CHST11: variants seen among roughly 807,000 people sequenced by gnomAD.
The protein encoded by CHST11 is C4S-1.
Under a neutral mutation model 30.4 loss-of-function variants are expected in CHST11, and 9 were observed. That is an observed-to-expected ratio of 0.30 (90% CI 0.18 to 0.52). CHST11 has a LOEUF of 0.52. Ranked by LOEUF, CHST11 falls within the 20% of genes least tolerant of loss-of-function variation. The pLI is 0.97. For missense variants in CHST11, 348 were observed against 460.6 expected (o/e 0.76, Z 2.24); for synonymous variants, 152 against 187.8 (o/e 0.81, Z 1.56).
chr12:104,570,449 G>A lies in CHST11; in HGVS notation c.119-31457G>A, dbSNP rs115573935. ...CACCCAAGCCACGTGCCTTCTTGGTGTCCCATCTATGCCTCTCTCTGAAAT... is the reference window on the plus strand; with the variant it reads ...CACCCAAGCCACGTGCCTTCTTGGTATCCCATCTATGCCTCTCTCTGAAAT... On this transcript the variant is annotated intron_variant, in intron 1 of 2. Transcript: ENST00000303694. Among the ~76,000 whole-genome samples, 375 of 152,144 alleles carry A rather than the reference G, an allele frequency of 2.5e-3. 3 individuals are homozygous for A. Among genetic ancestry groups the A allele is most frequent in the South Asian group, 0.018 (87 of 4,810 alleles).
intron 2 of CHST11, among the ~76,000 whole-genome samples, chr12:104,710,230 C>T (rs1327516298): frequency 6.6e-6 from 1 of 152,126 alleles, no homozygotes; most frequent in Admixed American, 6.5e-5. Context: ...TCATGTGAAG[C>T]CAAGCCCTTG....
At chr12:104,607,591 T>G (rs2039019005) in intron 2 of CHST11, among the ~76,000 whole-genome samples, 1 of 152,082 alleles carries the variant, frequency 6.6e-6, no homozygotes, top group African/African-American at 2.4e-5. Flanking sequence ...CACAGCACAC[T>G]TCCCCATGTT....
At position 104,757,060 on chromosome 12, in the gene CHST11, G is replaced by T; in HGVS notation, c.316G>T (p.Asp106Tyr). 1 of 1,614,130 alleles carries T rather than the reference G, an allele frequency of 6.2e-7. No homozygotes were observed. Among genetic ancestry groups the T allele is most frequent in the East Asian group, 2.2e-5 (1 of 44,858 alleles). Residue 106 changes from aspartate to tyrosine, a missense_variant, in exon 3 of 3, where the codon GAC (aspartate) becomes TAC (tyrosine). Around this residue, in one of 3 missense-constraint regions of CHST11, gnomAD observed 135 missense variants for 155.8 expected, o/e 0.87. Transcript: ENST00000303694. The surrounding 1 kb of genome is among the most constrained non-coding windows in gnomAD (Gnocchi z 6.5). ...TAAGCGGAGGGTGCTGACCCCCAAC[G>T]ACCTGAAGCACTTGGTGGTGGATGA... Reference protein sequence around the residue: ...SRKRRVLTPNDLKHLVVDEDH... With the variant: ...SRKRRVLTPNYLKHLVVDEDH...
intron 1 of CHST11, among the ~76,000 whole-genome samples, chr12:104,510,079 C>A (rs1240569142): frequency 6.6e-6 from 1 of 152,170 alleles, no homozygotes; most frequent in African/African-American, 2.4e-5. Flanking sequence ...GAATCAGGCC[C>A]AGAAGAGGTC....
intron 1 of CHST11, among the ~76,000 whole-genome samples, chr12:104,478,094 G>A (rs555820519): frequency 1.1e-4 from 16 of 152,206 alleles, no homozygotes; most frequent in African/African-American, 3.4e-4. Context: ...AAGTGGGGGT[G>A]GGAGACAGGG....
At chr12:104,569,111 C>T (rs192973539) in intron 1 of CHST11, among the ~76,000 whole-genome samples, 27 of 152,170 alleles carry the variant, frequency 1.8e-4, no homozygotes, top group Admixed American at 4.6e-4. Context: ...GGTTAGTATC[C>T]ACGGTCACAG....
chr12:104,583,635 T>C (rs1434661195), intron 1 of CHST11, among the ~76,000 whole-genome samples: 2 of 152,262 alleles, frequency 1.3e-5, no homozygotes, highest in Non-Finnish European at 2.9e-5. Context: ...TGGCAGCAAC[T>C]TAAGTTATAC....
At chr12:104,718,503 C>T (rs1463156047) in intron 2 of CHST11, among the ~76,000 whole-genome samples, 2 of 152,218 alleles carry the variant, frequency 1.3e-5, no homozygotes, top group African/African-American at 4.8e-5. Flanking sequence ...GCTGCCTGGG[C>T]TCTTTCTCCA....
At chr12:104,591,826 G>A (rs1011779070) in intron 1 of CHST11, 143 of 154,236 alleles carry the variant, frequency 9.3e-4, no homozygotes, top group African/African-American at 3.3e-3. Flanking sequence ...AATAGAAAAT[G>A]TTAGTTTGTC....
chr12:104,725,032 G>A (rs920772419), intron 2 of CHST11, among the ~76,000 whole-genome samples: 5 of 152,140 alleles, frequency 3.3e-5, no homozygotes, highest in Non-Finnish European at 7.4e-5. Context: ...GGGTGGTAGA[G>A]TGTCAGCCTT....
intron 2 of CHST11, among the ~76,000 whole-genome samples, chr12:104,698,867 A>G (rs2136111974): frequency 6.6e-6 from 1 of 152,328 alleles, no homozygotes; most frequent in South Asian, 2.1e-4. Flanking sequence ...ACTCTTTTGA[A>G]TTTACTCTTT....
rs549445107 is a variant in CHST11 at position 104,462,193 on chromosome 12, A to G, written c.118+4664A>G. On this transcript the variant is annotated intron_variant, in intron 1 of 2. Coordinates refer to ENST00000303694, the MANE Select transcript of CHST11 (RefSeq NM_018413.6). ...AAAAAAAAAAAAAAAAAAGAAAAAG[A>G]AAAGAAAAAAAGAAAATTTAGGAGG... Among the ~76,000 whole-genome samples, 982 of 148,232 alleles carry G rather than the reference A, an allele frequency of 6.6e-3. 32 individuals are homozygous for G. Among genetic ancestry groups the G allele is most frequent in the South Asian group, 0.064 (294 of 4,598 alleles).
chr12:104,471,466 G>A (rs995662042), intron 1 of CHST11, among the ~76,000 whole-genome samples: 5 of 152,136 alleles, frequency 3.3e-5, no homozygotes, highest in African/African-American at 1.2e-4. Flanking sequence ...TTATACCATG[G>A]CTAAATGTGA....
intron 2 of CHST11, among the ~76,000 whole-genome samples, chr12:104,734,042 G>A (rs2136134398): frequency 6.6e-6 from 1 of 152,320 alleles, no homozygotes; most frequent in East Asian, 1.9e-4. Context: ...TTTTGGCTGG[G>A]CACTGCTCCT....
At chr12:104,515,300 G>T (rs1040983829) in intron 1 of CHST11, among the ~76,000 whole-genome samples, 33 of 152,194 alleles carry the variant, frequency 2.2e-4, no homozygotes, top group African/African-American at 8.0e-4. Context: ...TCCAGAGACT[G>T]AATAGGCCTG....
chr12:104,665,865 G>A (rs1006779523), intron 2 of CHST11, among the ~76,000 whole-genome samples: 3 of 133,440 alleles, frequency 2.2e-5, no homozygotes, highest in Non-Finnish European at 3.1e-5. Flanking sequence ...CTGTCACCAG[G>A]CTGGACCGCA....
chr12:104,497,905 C>T (rs1321291032), intron 1 of CHST11, among the ~76,000 whole-genome samples: 2 of 140,574 alleles, frequency 1.4e-5, no homozygotes, highest in Non-Finnish European at 3.1e-5. Flanking sequence ...TCTTCCTGCC[C>T]CCTCTTTTTT....
intron 2 of CHST11, among the ~76,000 whole-genome samples, chr12:104,719,846 A>C (rs1241155390): frequency 2.6e-5 from 4 of 152,208 alleles, no homozygotes; most frequent in Non-Finnish European, 5.9e-5. Context: ...CTGTCCCCAG[A>C]TGCCCCAGGG....
At chr12:104,541,109 C>T (rs570173396) in intron 1 of CHST11, among the ~76,000 whole-genome samples, 1 of 101,410 alleles carries the variant, frequency 9.9e-6, no homozygotes, top group Admixed American at 1.0e-4. Flanking sequence ...TCTGCAGAAT[C>T]TCTCCCTCTC....
Sources: gnomAD v4.1 joint callset for allele counts (sites outside exome capture counted in the v4.1 genomes callset) on GRCh38, gnomAD v4.1.1 for gene constraint, gnomAD v4.1.1 regional missense constraint, Gnocchi (gnomAD v3.1) non-coding constraint, MANE v1.5 for transcripts, NCBI Gene and HGNC (gene_info 2026-07-23, HGNC 2026-07-21) for gene names.